CAMTA1: variants seen among roughly 807,000 people sequenced by gnomAD.
CAMTA1 encodes the protein calmodulin-binding transcription activator 1.
CAMTA1 carries 27 observed loss-of-function variants against 170.9 expected under a neutral mutation model. The ratio of observed to expected loss-of-function variants is 0.16; its 90% CI spans 0.12 to 0.22. The LOEUF is 0.22. Among genes scored for constraint, CAMTA1 ranks in the 10% least tolerant of loss-of-function variants. The pLI is 1.00. For missense variants in CAMTA1, 1,619 were observed against 2,217.2 expected (o/e 0.73, Z 5.42); for synonymous variants, 833 against 891.5 (o/e 0.93, Z 1.17).
chr1:7,212,111 T>C (rs544328466), intron 4 of CAMTA1, among the ~76,000 whole-genome samples: 2 of 152,350 alleles, frequency 1.3e-5, no homozygotes, highest in South Asian at 4.1e-4. Flanking sequence ...TTTATAGCAC[T>C]TTTTCTTTAG....
intron 4 of CAMTA1, among the ~76,000 whole-genome samples, chr1:7,138,988 C>T (rs1645707129): frequency 7.1e-6 from 1 of 141,552 alleles, no homozygotes; most frequent in Non-Finnish European, 1.5e-5. Flanking sequence ...GAGCAAGACT[C>T]TGTCTCAAAA....
At chr1:7,558,766 C>T (rs1056571744) in intron 6 of CAMTA1, among the ~76,000 whole-genome samples, 1 of 152,258 alleles carries the variant, frequency 6.6e-6, no homozygotes. Context: ...AAAACCCACT[C>T]GCCTGCCGAG....
intron 4 of CAMTA1, among the ~76,000 whole-genome samples, chr1:7,161,014 T>C (rs1647182206): frequency 2.0e-5 from 3 of 152,196 alleles, no homozygotes; most frequent in Admixed American, 2.0e-4. Flanking sequence ...CTCTTTCCTG[T>C]ATTGCTGCAA....
In CAMTA1 at chr1:6,830,479, G is replaced by C. The variant is rs184946000; in HGVS notation, c.234+5269G>C. ...CTGCCTCAGCCTCCTGTGTAGCTGT[G>C]ATTACAGGCATGCGCCACCATGCCT... On this transcript the variant is annotated intron_variant, in intron 3 of 22. Transcript: ENST00000303635. Among the ~76,000 whole-genome samples the C allele has an allele frequency of 2.8e-4, 43 of 151,860 alleles. 1 individual carries two copies. Among genetic ancestry groups the C allele is most frequent in the African/African-American group, 1.0e-3 (43 of 41,386 alleles).
Position 7,640,066 on chromosome 1 carries a change from A to G in CAMTA1, c.511-334A>G, listed in dbSNP as rs114072718. ...CGTGGTTCCCAGTTACACACATATC[A>G]GCTTATGTGTAGGTCAGAGTTTCTC... On this transcript the variant is annotated intron_variant, in intron 6 of 22. Transcript: ENST00000303635. Among the ~76,000 whole-genome samples the G allele has an allele frequency of 7.9e-3, 1,210 of 152,256 alleles. 20 individuals are homozygous for G. The highest frequency in any genetic ancestry group is 0.028 in the African/African-American group (1,163 of 41,542).
intron 5 of CAMTA1, among the ~76,000 whole-genome samples, chr1:7,310,646 T>TTCTTTCTTTCTTTC (rs1429082784): frequency 6.6e-5 from 2 of 30,232 alleles, no homozygotes; most frequent in African/African-American, 1.2e-4. Flanking sequence ...CTTTCTTTCT[T>TTCTTTCTTTCTTTC]TTTTCTTTCT....
chr1:7,108,112 C>A (rs930050385), intron 4 of CAMTA1, among the ~76,000 whole-genome samples: 1 of 152,070 alleles, frequency 6.6e-6, no homozygotes, highest in Non-Finnish European at 1.5e-5. Flanking sequence ...CTATGGTGCA[C>A]AGGACAGAGC....
At chr1:7,150,925 G>A (rs1255220667) in intron 4 of CAMTA1, among the ~76,000 whole-genome samples, 1 of 152,190 alleles carries the variant, frequency 6.6e-6, no homozygotes, top group African/African-American at 2.4e-5. Context: ...CAGGCGCAGA[G>A]TGCTGCTCAT....
intron 3 of CAMTA1, among the ~76,000 whole-genome samples, chr1:7,022,687 C>G (rs12065216): frequency 0.26 from 40,089 of 151,882 alleles, 5,462 homozygotes; most frequent in Middle Eastern, 0.35. Flanking sequence ...AGGAGGGTTA[C>G]CTATGTCTAG....
intron 6 of CAMTA1, among the ~76,000 whole-genome samples, chr1:7,601,656 G>T (rs1452246622): frequency 2.0e-5 from 3 of 152,258 alleles, no homozygotes; most frequent in Non-Finnish European, 4.4e-5. Context: ...GCACCATTGA[G>T]CACTGAGTGA....
At chr1:7,527,980 A>G (rs1328310741) in intron 6 of CAMTA1, among the ~76,000 whole-genome samples, 1 of 152,174 alleles carries the variant, frequency 6.6e-6, no homozygotes, top group East Asian at 1.9e-4. Context: ...AAGAGCCTAG[A>G]AAGGGACTCT....
At chr1:7,392,411 A>G (rs1189533352) in intron 5 of CAMTA1, among the ~76,000 whole-genome samples, 2 of 151,750 alleles carry the variant, frequency 1.3e-5, no homozygotes, top group Non-Finnish European at 2.9e-5. Context: ...ATGTGCCACC[A>G]CACCCAGCTG....
chr1:7,481,567 T>C (rs2093534858), intron 6 of CAMTA1, among the ~76,000 whole-genome samples: 1 of 152,214 alleles, frequency 6.6e-6, no homozygotes, highest in South Asian at 2.1e-4. Flanking sequence ...CTCCCCAGCA[T>C]TTTATGATGA....
At chr1:6,950,640 A>T (rs1303534891) in intron 3 of CAMTA1, among the ~76,000 whole-genome samples, 1 of 152,050 alleles carries the variant, frequency 6.6e-6, no homozygotes, top group East Asian at 1.9e-4. Context: ...CCTTGAACTG[A>T]TTAGTAGGTA....
At chr1:7,121,959 G>T (rs762529155) in intron 4 of CAMTA1, among the ~76,000 whole-genome samples, 1 of 151,954 alleles carries the variant, frequency 6.6e-6, no homozygotes, top group Non-Finnish European at 1.5e-5. Context: ...TTCTCCTTGG[G>T]GCTCCTATGG....
At chr1:7,230,880 G>A (rs1368504486) in intron 4 of CAMTA1, among the ~76,000 whole-genome samples, 2 of 152,152 alleles carry the variant, frequency 1.3e-5, no homozygotes, top group African/African-American at 4.8e-5. Flanking sequence ...GTCCTGTCTT[G>A]TTGGGGGCAC....
At chr1:6,804,174 CTCT>C (rs1644235889) in intron 1 of CAMTA1, among the ~76,000 whole-genome samples, 1 of 144,710 alleles carries the variant, frequency 6.9e-6, no homozygotes, top group African/African-American at 2.5e-5. Context: ...ACGAGCGAAA[CTCT>C]TTTTTTTTTT....
intron 5 of CAMTA1, among the ~76,000 whole-genome samples, chr1:7,419,177 A>G (rs955061848): frequency 5.0e-5 from 7 of 139,000 alleles, no homozygotes; most frequent in African/African-American, 1.9e-4. Flanking sequence ...TTTATTTGAG[A>G]CGAAGTTTTG....
Position 7,561,707 on chromosome 1 carries a change from A to T in CAMTA1, c.511-78693A>T, listed in dbSNP as rs2094959372. Among the ~76,000 whole-genome samples, 1 of 151,772 alleles carries T rather than the reference A, an allele frequency of 6.6e-6. No individual in the cohort carries two copies. Among genetic ancestry groups the T allele is most frequent in the African/African-American group, 2.4e-5 (1 of 41,308 alleles). ...AGAGGCCACCCCTCCCCAGCCCCCT[A>T]GGCCACTGTGTTAGATTCTTCACGA... On this transcript the variant is annotated intron_variant, in intron 6 of 22. Coordinates refer to ENST00000303635, the MANE Select transcript of CAMTA1 (RefSeq NM_015215.4). This position sits in a 1 kb window ranked among gnomAD's most constrained non-coding sequence, Gnocchi z 5.3.
Sources: gnomAD v4.1 joint callset for allele counts (sites outside exome capture counted in the v4.1 genomes callset) on GRCh38, gnomAD v4.1.1 for gene constraint, Gnocchi (gnomAD v3.1) non-coding constraint, MANE v1.5 for transcripts, NCBI Gene and HGNC (gene_info 2026-07-23, HGNC 2026-07-21) for gene names.